The following RTN1 variants were observed in gnomAD, a reference collection of about 807,000 sequenced individuals.
The protein encoded by RTN1 is reticulon 1.
In RTN1, 25 loss-of-function variants were observed where a neutral mutation model predicts 65.5. That is an observed-to-expected ratio of 0.38 (90% CI 0.28 to 0.53). The LOEUF (loss-of-function observed/expected upper bound fraction) is 0.53. Ranked by LOEUF, RTN1 falls within the 20% of genes least tolerant of loss-of-function variation. The probability of loss-of-function intolerance (pLI) is 0.79; values close to 1 mark genes in which losing one functional copy is unlikely to be tolerated. For synonymous variants in RTN1, 471 were observed against 447.6 expected (o/e 1.05, Z -0.66); for missense variants, 983 against 1,025.4 (o/e 0.96, Z 0.57).
intron 1 of RTN1, among the ~76,000 whole-genome samples, chr14:59,857,133 A>G (rs952037571): frequency 7.9e-5 from 12 of 152,174 alleles, no homozygotes; most frequent in Admixed American, 3.9e-4. Context: ...GGCACTCCAC[A>G]AGACCTAATA....
At chr14:59,639,076 A>G (rs1382046898) in intron 3 of RTN1, among the ~76,000 whole-genome samples, 5 of 152,194 alleles carry the variant, frequency 3.3e-5, no homozygotes, top group Non-Finnish European at 5.9e-5. Flanking sequence ...GCCTAACCGA[A>G]ATACTGCAGT....
chr14:59,649,568 A>C (rs774216982), intron 3 of RTN1, among the ~76,000 whole-genome samples: 1 of 151,682 alleles, frequency 6.6e-6, no homozygotes, highest in Non-Finnish European at 1.5e-5. Context: ...TATAAAAAAA[A>C]ACCATCAAAA....
chr14:59,669,273 C>T (rs1233744040), intron 3 of RTN1, among the ~76,000 whole-genome samples: 1 of 152,004 alleles, frequency 6.6e-6, no homozygotes, highest in African/African-American at 2.4e-5. Context: ...TACTATGCAG[C>T]CATAAAAAAG....
intron 1 of RTN1, among the ~76,000 whole-genome samples, chr14:59,800,541 C>T (rs775001567): frequency 6.6e-6 from 1 of 152,048 alleles, no homozygotes; most frequent in East Asian, 1.9e-4. Context: ...GCTGGGACTA[C>T]AGGCGCCCAC....
chr14:59,820,879 T>C (rs1886931729), intron 1 of RTN1, among the ~76,000 whole-genome samples: 1 of 152,250 alleles, frequency 6.6e-6, no homozygotes, highest in Non-Finnish European at 1.5e-5. Context: ...GTGTCTGTTT[T>C]TGTACCAATA....
At chr14:59,861,430 A>G (rs1887707723) in intron 1 of RTN1, among the ~76,000 whole-genome samples, 1 of 152,176 alleles carries the variant, frequency 6.6e-6, no homozygotes, top group African/African-American at 2.4e-5. Flanking sequence ...TAAATTGCCC[A>G]GTCTCGGGTA....
rs564422323 is a variant in RTN1 at position 59,775,186 on chromosome 14, G to A, written c.242-28705C>T. Among the ~76,000 whole-genome samples the A allele has an allele frequency of 9.9e-5, 15 of 152,160 alleles. No individual in the cohort carries two copies. In the South Asian group the frequency reaches 3.1e-3, roughly 32 times the overall value. ...AGACGTTTCTCATCTTCTGTCTACT[G>A]GCTGAATGTCACTGTCCCATAAAAC... is the stretch of plus-strand genomic sequence containing the variant. On this transcript the variant is annotated intron_variant, in intron 1 of 8. Transcript: ENST00000267484.
chr14:59,678,947 G>A (rs1219705271), intron 3 of RTN1, among the ~76,000 whole-genome samples: 1 of 152,192 alleles, frequency 6.6e-6, no homozygotes, highest in Non-Finnish European at 1.5e-5. Flanking sequence ...AAGGACCATA[G>A]ATACAGGTGC....
chr14:59,712,699 G>A (rs1302441512), intron 3 of RTN1, among the ~76,000 whole-genome samples: 1 of 152,176 alleles, frequency 6.6e-6, no homozygotes, highest in Non-Finnish European at 1.5e-5. Flanking sequence ...ATCACCTGAG[G>A]TCAGGAGTTT....
intron 2 of RTN1, among the ~76,000 whole-genome samples, chr14:59,728,939 A>G (rs1322414502): frequency 6.6e-6 from 1 of 152,188 alleles, no homozygotes; most frequent in Non-Finnish European, 1.5e-5. Flanking sequence ...TATATAGTAA[A>G]TAAGTAAAGT....
At chr14:59,784,415 G>T (rs1055685837) in intron 1 of RTN1, among the ~76,000 whole-genome samples, 2 of 151,110 alleles carry the variant, frequency 1.3e-5, no homozygotes, top group East Asian at 3.9e-4. Flanking sequence ...CACTCCAGCC[G>T]GGGCAACAAG....
intron 1 of RTN1, among the ~76,000 whole-genome samples, chr14:59,751,846 G>A (rs899560452): frequency 6.6e-6 from 1 of 152,170 alleles, no homozygotes; most frequent in Non-Finnish European, 1.5e-5. Context: ...GCACTGCCTT[G>A]CTGGATAATC....
intron 3 of RTN1, among the ~76,000 whole-genome samples, chr14:59,634,927 CCAGTCCTGA>C (rs1882630643): frequency 2.0e-5 from 3 of 152,224 alleles, no homozygotes; most frequent in South Asian, 2.1e-4. Context: ...CTAGATCATG[CCAGTCCTGA>C]GTAGTAATAC....
At chr14:59,704,159 G>C (rs1884239230) in intron 3 of RTN1, among the ~76,000 whole-genome samples, 1 of 152,052 alleles carries the variant, frequency 6.6e-6, no homozygotes, top group Non-Finnish European at 1.5e-5. Context: ...TTACGATCTT[G>C]GTCTAGCAAA....
At chr14:59,811,293 G>A (rs1473303192) in intron 1 of RTN1, among the ~76,000 whole-genome samples, 1 of 152,158 alleles carries the variant, frequency 6.6e-6, no homozygotes, top group Non-Finnish European at 1.5e-5. Context: ...GTTGATGATA[G>A]CCCTGATGAT....
intron 2 of RTN1, among the ~76,000 whole-genome samples, chr14:59,734,296 T>C (rs8014898): frequency 0.46 from 70,377 of 151,982 alleles, 18,215 homozygotes; most frequent in African/African-American, 0.7. Context: ...ATGCAAAAAC[T>C]CTGAAAACTC....
At chr14:59,768,886 T>C (rs557219773) in intron 1 of RTN1, among the ~76,000 whole-genome samples, 1 of 152,330 alleles carries the variant, frequency 6.6e-6, no homozygotes, top group Non-Finnish European at 1.5e-5. Context: ...ATTTTGTAGT[T>C]GAGGAAATTG....
chr14:59,677,463 T>C (rs1386281095), intron 3 of RTN1, among the ~76,000 whole-genome samples: 1 of 152,196 alleles, frequency 6.6e-6, no homozygotes, highest in Non-Finnish European at 1.5e-5. Context: ...AAAGATTCAC[T>C]TTTTTAAGGA....
At chr14:59,822,378 T>C (rs1243555960) in intron 1 of RTN1, among the ~76,000 whole-genome samples, 2 of 152,148 alleles carry the variant, frequency 1.3e-5, no homozygotes, top group Admixed American at 6.5e-5. Flanking sequence ...ATTTCTGATA[T>C]GTTTATTTGG....
Sources: allele counts gnomAD v4.1 joint callset (sites outside exome capture counted in the v4.1 genomes callset), GRCh38; gene constraint gnomAD v4.1.1; transcripts MANE v1.5; gene names NCBI Gene and HGNC (gene_info 2026-07-23, HGNC 2026-07-21).